Variants in ADAMTS17 observed in about 807,000 individuals in gnomAD.
ADAMTS17 encodes the protein A disintegrin and metalloproteinase with thrombospondin motifs 17.
ADAMTS17 carries 113 observed loss-of-function variants against 141.5 expected under a neutral mutation model. The observed-to-expected ratio is 0.80, with a 90% CI of 0.69 to 0.93. The LOEUF is 0.93. ADAMTS17 is among the 40% of genes least tolerant of loss of function. The pLI, the probability that ADAMTS17 is intolerant of heterozygous loss-of-function variation, is 0.00. For synonymous variants in ADAMTS17, 768 were observed against 630.6 expected (o/e 1.22, Z -3.27); for missense variants, 1,659 against 1,517.9 (o/e 1.09, Z -1.54).
intron 3 of ADAMTS17, among the ~76,000 whole-genome samples, chr15:100,319,918 G>T (rs565386452): frequency 3.3e-5 from 5 of 151,878 alleles, no homozygotes; most frequent in African/African-American, 7.3e-5. Context: ...CAGCAAGAGC[G>T]AAACTCTGTC....
intron 18 of ADAMTS17, among the ~76,000 whole-genome samples, chr15:100,024,066 A>G (rs1364007279): frequency 6.6e-6 from 1 of 151,310 alleles, no homozygotes; most frequent in Non-Finnish European, 1.5e-5. Flanking sequence ...TTCCTATGCA[A>G]TCAAAAATCT....
chr15:100,068,120 C>T (rs4965578), intron 15 of ADAMTS17, among the ~76,000 whole-genome samples: 126,430 of 152,084 alleles, frequency 0.83, 54,727 homozygotes, highest in South Asian at 0.97. Context: ...GCGCATGTCT[C>T]GGAGGGTCCT....
At chr15:100,256,072 G>C (rs1026816366) in intron 6 of ADAMTS17, among the ~76,000 whole-genome samples, 4 of 152,234 alleles carry the variant, frequency 2.6e-5, no homozygotes, top group African/African-American at 9.6e-5. Context: ...GCCTGCAGGG[G>C]CTGCTTTATC....
At chr15:100,126,573 C>T (rs1011475879) in intron 12 of ADAMTS17, among the ~76,000 whole-genome samples, 1 of 152,146 alleles carries the variant, frequency 6.6e-6, no homozygotes, top group Non-Finnish European at 1.5e-5. Context: ...AGCATCTGGG[C>T]CTCAGTGAGG....
chr15:100,016,729 T>C (rs2061297665), intron 18 of ADAMTS17, among the ~76,000 whole-genome samples: 1 of 152,216 alleles, frequency 6.6e-6, no homozygotes, highest in Admixed American at 6.5e-5. Context: ...TCTCTGGGTC[T>C]CTCAGCTGTA....
At chr15:99,986,138 G>A (rs2060580844) in intron 20 of ADAMTS17, among the ~76,000 whole-genome samples, 1 of 152,264 alleles carries the variant, frequency 6.6e-6, no homozygotes, top group Admixed American at 6.5e-5. Context: ...CAGCCAGGCA[G>A]GCAGGCCTTG....
intron 20 of ADAMTS17, chr15:99,978,429 C>T (rs1447367792): frequency 6.6e-6 from 1 of 152,282 alleles, no homozygotes; most frequent in African/African-American, 2.4e-5. Flanking sequence ...CCGGCACGTT[C>T]AAACTGGAAC....
At chr15:100,170,624 A>C (rs934129495) in intron 8 of ADAMTS17, among the ~76,000 whole-genome samples, 2 of 152,220 alleles carry the variant, frequency 1.3e-5, no homozygotes, top group African/African-American at 4.8e-5. Context: ...ATCTTTTAAA[A>C]GTGTTTATTC....
intron 8 of ADAMTS17, among the ~76,000 whole-genome samples, chr15:100,197,672 G>A (rs982891789): frequency 1.3e-5 from 2 of 152,066 alleles, no homozygotes; most frequent in African/African-American, 4.8e-5. Flanking sequence ...CAGTATCATG[G>A]GATTTCCTCC....
At chr15:100,044,816 T>TG (rs11432143) in intron 18 of ADAMTS17, among the ~76,000 whole-genome samples, 11,283 of 151,866 alleles carry the variant, frequency 0.074, 1,371 homozygotes, top group African/African-American at 0.25. Context: ...GATTTTTTTT[T>TG]TTTTTTTTTG....
intron 12 of ADAMTS17, among the ~76,000 whole-genome samples, chr15:100,122,908 T>C (rs1471531248): frequency 1.3e-5 from 2 of 152,166 alleles, no homozygotes; most frequent in East Asian, 1.9e-4. Context: ...TTCAAACCCA[T>C]GTTGTTCAAG....
intron 8 of ADAMTS17, among the ~76,000 whole-genome samples, chr15:100,172,769 C>G (rs941936376): frequency 7.2e-5 from 11 of 152,260 alleles, no homozygotes; most frequent in Non-Finnish European, 1.0e-4. Context: ...CCGCACCCCT[C>G]CCTTGTTCTG....
At chr15:100,198,263 A>C (rs944665612) in intron 8 of ADAMTS17, among the ~76,000 whole-genome samples, 4 of 152,260 alleles carry the variant, frequency 2.6e-5, no homozygotes, top group African/African-American at 7.2e-5. Context: ...AATTAATAGA[A>C]TATAAACTCA....
In ADAMTS17 at chr15:99,993,349, G is replaced by A. The variant is rs2060729704; in HGVS notation, c.2797-149C>T. 12 of 1,230,862 alleles carry A rather than the reference G, an allele frequency of 9.7e-6. No individual in the cohort carries two copies. The South Asian group carries it at 1.4e-4, about 14-fold the overall frequency. The allele number at this position is 1,230,862 out of a possible 1,614,324, so 76.2% of individuals were successfully genotyped here. A position where few individuals can be genotyped will look rare whatever the true frequency, so the allele number is the denominator to read the frequency against. ...TCTGTCCTCAAAAAGCTCCTGGTCT[G>A]CAGGGTCTTACGCACGTGGTCCCAG... On this transcript the variant is annotated intron_variant, in intron 19 of 21. Transcript: ENST00000268070. This position sits in a 1 kb window ranked among gnomAD's most constrained non-coding sequence, Gnocchi z 4.3.
intron 4 of ADAMTS17, among the ~76,000 whole-genome samples, chr15:100,277,039 G>A (rs1490432369): frequency 6.6e-6 from 1 of 152,090 alleles, no homozygotes; most frequent in African/African-American, 2.4e-5. Flanking sequence ...GTGCAAGGGG[G>A]CTGACGACTC....
At chr15:100,130,476 T>C (rs1196858603) in intron 12 of ADAMTS17, among the ~76,000 whole-genome samples, 3 of 152,070 alleles carry the variant, frequency 2.0e-5, no homozygotes, top group African/African-American at 7.2e-5. Flanking sequence ...ATAATGCCAA[T>C]TCTTATAGCA....
intron 8 of ADAMTS17, among the ~76,000 whole-genome samples, chr15:100,160,710 G>A (rs1477845815): frequency 6.6e-6 from 1 of 152,194 alleles, no homozygotes; most frequent in African/African-American, 2.4e-5. Context: ...CTTCCCCAAG[G>A]AATGTTCCAG....
At chr15:100,024,889 C>G (rs1386398793) in intron 18 of ADAMTS17, among the ~76,000 whole-genome samples, 1 of 152,180 alleles carries the variant, frequency 6.6e-6, no homozygotes, top group Non-Finnish European at 1.5e-5. Context: ...ATGTGACCTG[C>G]TTCAAGTAAA....
chr15:100,010,722 G>A (rs1955548467), intron 18 of ADAMTS17, among the ~76,000 whole-genome samples: 1 of 152,236 alleles, frequency 6.6e-6, no homozygotes, highest in Non-Finnish European at 1.5e-5. Flanking sequence ...AAGACCTGTG[G>A]CTGCTTTTAT....
Sources: gnomAD v4.1 joint callset for allele counts (sites outside exome capture counted in the v4.1 genomes callset) on GRCh38, gnomAD v4.1.1 for gene constraint, Gnocchi (gnomAD v3.1) non-coding constraint, MANE v1.5 for transcripts, NCBI Gene and HGNC (gene_info 2026-07-23, HGNC 2026-07-21) for gene names.